The following CSMD2 variants were observed in gnomAD, a reference collection of about 807,000 sequenced individuals.
CSMD2 encodes CUB and Sushi multiple domains 2.
Under a neutral mutation model 398.5 loss-of-function variants are expected in CSMD2, and 130 were observed. The observed-to-expected ratio is 0.33, with a 90% CI of 0.28 to 0.38. The LOEUF (loss-of-function observed/expected upper bound fraction) is 0.38. Among genes scored for constraint, CSMD2 ranks in the 10% least tolerant of loss-of-function variants. CSMD2 has a pLI of 1.00. For synonymous variants in CSMD2, 1,828 were observed against 1,908.5 expected (o/e 0.96, Z 1.10); for missense variants, 3,829 against 4,764.9 (o/e 0.80, Z 5.78).
At chr1:34,072,975 G>C (rs142862180) in intron 2 of CSMD2, among the ~76,000 whole-genome samples, 1 of 152,204 alleles carries the variant, frequency 6.6e-6, no homozygotes, top group African/African-American at 2.4e-5. Flanking sequence ...TGTGAACTTG[G>C]ATATCAAGCA....
At chr1:33,829,684 A>G (rs1967736) in intron 6 of CSMD2, among the ~76,000 whole-genome samples, 119,728 of 152,156 alleles carry the variant, frequency 0.79, 47,982 homozygotes, top group East Asian at 0.94. Context: ...CGCACCGTGC[A>G]TGAGCCAAAG....
chr1:33,636,992 C>T lies in CSMD2; in HGVS notation c.4775-438G>A, dbSNP rs1484815962. Among the ~76,000 whole-genome samples, 1 of 152,178 alleles carries T rather than the reference C, an allele frequency of 6.6e-6. No individual in the cohort carries two copies. Among genetic ancestry groups the T allele is most frequent in the Non-Finnish European group, 1.5e-5 (1 of 68,038 alleles). ...CCATCACTTTACTCATCTTTGACCC[C>T]CCACACTCAGCAGCCTCCTGGCCTT... On this transcript the variant is annotated intron_variant, in intron 29 of 70. Transcript: ENST00000373381. The surrounding 1 kb of genome is among the most constrained non-coding windows in gnomAD (Gnocchi z 4.8).
chr1:33,668,466 C>T (rs999724022), intron 25 of CSMD2, among the ~76,000 whole-genome samples: 1 of 152,158 alleles, frequency 6.6e-6, no homozygotes, highest in African/African-American at 2.4e-5. Flanking sequence ...ACTTGGTTTG[C>T]CAACCCAACC....
At chr1:34,053,313 G>A (rs1281560102) in intron 2 of CSMD2, among the ~76,000 whole-genome samples, 1 of 152,176 alleles carries the variant, frequency 6.6e-6, no homozygotes, top group African/African-American at 2.4e-5. Context: ...GATGTAAGTG[G>A]AGGACAGTTT....
intron 1 of CSMD2, among the ~76,000 whole-genome samples, chr1:34,130,781 T>C (rs1366353818): frequency 6.6e-6 from 1 of 152,126 alleles, no homozygotes; most frequent in Admixed American, 6.5e-5. Flanking sequence ...CTTTCTTCTC[T>C]GATGACTCCT....
rs146201244 is a variant in CSMD2 at position 33,752,684 on chromosome 1, T to C, written c.1847-9078A>G. Among the ~76,000 whole-genome samples the C allele has an allele frequency of 2.6e-5, 4 of 152,246 alleles. No individual in the cohort carries two copies. In the East Asian group the frequency reaches 7.7e-4, roughly 29 times the overall value. ...GGTAACAGGGATAGGTTGGAAGAGT[T>C]TGAAGGTCTCAGAAGATAAGAAAAT... On this transcript the variant is annotated intron_variant, in intron 13 of 70. Coordinates refer to ENST00000373381, the MANE Select transcript of CSMD2 (RefSeq NM_001281956.2).
intron 2 of CSMD2, among the ~76,000 whole-genome samples, chr1:34,081,451 C>T (rs1340650752): frequency 2.7e-5 from 4 of 148,746 alleles, no homozygotes; most frequent in Non-Finnish European, 4.5e-5. Flanking sequence ...CTCCCGCTTT[C>T]CATGGTCTCT....
At chr1:33,697,529 G>A (rs1055423863) in intron 24 of CSMD2, among the ~76,000 whole-genome samples, 1 of 152,154 alleles carries the variant, frequency 6.6e-6, no homozygotes, top group East Asian at 1.9e-4. Context: ...TAGTCGTCTA[G>A]GGGAAAAGCA....
At chr1:34,080,441 T>A (rs1357285610) in intron 2 of CSMD2, among the ~76,000 whole-genome samples, 2 of 152,088 alleles carry the variant, frequency 1.3e-5, no homozygotes, top group Non-Finnish European at 2.9e-5. Context: ...TCTTTCTTCA[T>A]AGAATACTGA....
intron 3 of CSMD2, among the ~76,000 whole-genome samples, chr1:34,018,294 C>T (rs893214104): frequency 6.6e-6 from 1 of 152,240 alleles, no homozygotes; most frequent in Middle Eastern, 3.2e-3. Context: ...CATGCCCCTA[C>T]TGTTGGACAT....
intron 12 of CSMD2, among the ~76,000 whole-genome samples, chr1:33,779,730 C>G (rs915503002): frequency 2.0e-5 from 3 of 152,224 alleles, no homozygotes; most frequent in African/African-American, 7.2e-5. Context: ...CTCCCAGCCC[C>G]CTTGGACATT....
chr1:33,731,377 C>A (rs1646712707), intron 15 of CSMD2, among the ~76,000 whole-genome samples: 1 of 151,736 alleles, frequency 6.6e-6, no homozygotes, highest in Non-Finnish European at 1.5e-5. Flanking sequence ...TCCTAATGAC[C>A]CCAAAAGAGA....
chr1:33,641,025 T>C (rs570873380), intron 29 of CSMD2, among the ~76,000 whole-genome samples: 1 of 152,248 alleles, frequency 6.6e-6, no homozygotes, highest in East Asian at 1.9e-4. Context: ...CACTTCAAAC[T>C]CTTCCCTCTG....
At chr1:33,701,367 G>A (rs764635291) in intron 22 of CSMD2, among the ~76,000 whole-genome samples, 9 of 152,232 alleles carry the variant, frequency 5.9e-5, no homozygotes, top group Non-Finnish European at 7.3e-5. Context: ...CTTAGTACCA[G>A]CAAAGACAAC....
At chr1:33,987,928 G>C (rs569296135) in intron 3 of CSMD2, among the ~76,000 whole-genome samples, 12 of 152,216 alleles carry the variant, frequency 7.9e-5, no homozygotes, top group East Asian at 1.9e-4. Context: ...CCGACCTATT[G>C]CAACAGTCTC....
At chr1:33,970,485 C>T (rs1000022403) in intron 3 of CSMD2, among the ~76,000 whole-genome samples, 4 of 152,214 alleles carry the variant, frequency 2.6e-5, no homozygotes, top group Non-Finnish European at 5.9e-5. Flanking sequence ...CAAGCCTGAG[C>T]TCAGGCCTGG....
intron 12 of CSMD2, among the ~76,000 whole-genome samples, chr1:33,778,640 G>A (rs768270786): frequency 3.3e-5 from 5 of 152,152 alleles, no homozygotes; most frequent in Admixed American, 6.5e-5. Context: ...CATGGAAACC[G>A]TGCCAAATGC....
At chr1:33,552,636 C>T (rs1452241224) in intron 55 of CSMD2, among the ~76,000 whole-genome samples, 2 of 152,066 alleles carry the variant, frequency 1.3e-5, no homozygotes, top group Non-Finnish European at 2.9e-5. Context: ...TATGCTAAAA[C>T]GTGGATGAAC....
Position 33,600,862 on chromosome 1 carries a change from G to A in CSMD2, c.6856+3C>T. On this transcript the variant is annotated splice_donor_region_variant and intron_variant, in intron 44 of 70. Coordinates refer to ENST00000373381, the MANE Select transcript of CSMD2 (RefSeq NM_001281956.2). ...TCCCACCAGGCCAGGCTTCCATACT[G>A]ACCGGAGAAAGCTATGGCGAAGATC... 6.2e-7 allele frequency: 1 copy of A among 1,614,092 alleles called. No homozygotes were observed. The highest frequency in any genetic ancestry group is 8.5e-7 in the Non-Finnish European group (1 of 1,180,006).
Sources: gnomAD v4.1 joint callset for allele counts (sites outside exome capture counted in the v4.1 genomes callset) on GRCh38, gnomAD v4.1.1 for gene constraint, Gnocchi (gnomAD v3.1) non-coding constraint, MANE v1.5 for transcripts, NCBI Gene and HGNC (gene_info 2026-07-23, HGNC 2026-07-21) for gene names.